TRPM2: variants seen among roughly 807,000 people sequenced by gnomAD.
TRPM2 encodes the protein estrogen-responsive element-associated gene 1 protein.
TRPM2 carries 161 observed loss-of-function variants against 174.0 expected under a neutral mutation model. That is an observed-to-expected ratio of 0.93 (90% CI 0.81 to 1.05). TRPM2 has a LOEUF of 1.05. Among genes scored for constraint, TRPM2 ranks in the 50% least tolerant of loss-of-function variants. The probability of loss-of-function intolerance (pLI) is 0.00; values close to 1 mark genes in which losing one functional copy is unlikely to be tolerated. For missense variants in TRPM2, 2,057 were observed against 2,038.0 expected (o/e 1.01, Z -0.18); for synonymous variants, 954 against 861.3 (o/e 1.11, Z -1.88).
chr21:44,423,790 C>A (rs2050638473), intron 23 of TRPM2, 58 bp downstream of exon 23: 3 of 1,424,920 alleles, frequency 2.1e-6, no homozygotes, highest in Non-Finnish European at 2.9e-6. Context: ...TGGTGGGCGG[C>A]TCTGCCATGT....
rs139032200 is a variant in TRPM2 at position 44,379,175 on chromosome 21, G to A, written c.1193G>A (p.Arg398Lys). The A allele has an allele frequency of 5.6e-6, 9 of 1,613,130 alleles. No individual in the cohort carries two copies. The highest frequency in any genetic ancestry group is 6.8e-6 in the Non-Finnish European group (8 of 1,180,018). Reference sequence around the variant, plus strand: ...ATGTTTGAGACCTTCACGGAAAGCAGGATTGTCGAGTGGACCAAAAAGGTG... The same window carrying A: ...ATGTTTGAGACCTTCACGGAAAGCAAGATTGTCGAGTGGACCAAAAAGGTG... ...QEMFETFTES[R>K]IVEWTKKIQD... Residue 398 changes from arginine to lysine, a missense_variant, in exon 8 of 32, where the codon AGG becomes AAG. Coordinates refer to ENST00000397928, the MANE Select transcript of TRPM2 (RefSeq NM_003307.4).
In TRPM2 at chr21:44,435,070, C is replaced by T. The variant is rs1051390290; in HGVS notation, c.3975-61C>T. 1.5e-5 allele frequency: 23 copies of T among 1,548,398 alleles called. No individual in the cohort carries two copies. In the South Asian group the frequency reaches 2.6e-4, roughly 18 times the overall value. On this transcript the variant is annotated intron_variant, in intron 27 of 31. Transcript: ENST00000397928. ...CGCTGTCCCCTCTCAGTCCCCCTCC[C>T]TGCCCTGTCCTGCTCCCCCATTGGT...
Position 44,425,564 on chromosome 21 carries a change from G to C in TRPM2, c.3638-106G>C, listed in dbSNP as rs986524867. ...GCCATTTGGGCTCGGGGAGGTGGAG[G>C]AGCCCAGATGTTTTGGCGGAAGGAC... On this transcript the variant is annotated intron_variant, in intron 24 of 31. Coordinates refer to ENST00000397928, the MANE Select transcript of TRPM2 (RefSeq NM_003307.4). The C allele has an allele frequency of 8.3e-6, 11 of 1,321,872 alleles. No homozygotes were observed. The Admixed American group carries it at 3.2e-4, about 38-fold the overall frequency. The allele number at this position is 1,321,872 out of a possible 1,614,324, so 81.9% of individuals were successfully genotyped here. A position where few individuals can be genotyped will look rare whatever the true frequency, so the allele number is the denominator to read the frequency against.
At position 44,366,628 on chromosome 21, in the gene TRPM2, G is replaced by T; in HGVS notation, c.424-126G>T. On this transcript the variant is annotated intron_variant, in intron 3 of 31. Coordinates refer to ENST00000397928, the MANE Select transcript of TRPM2 (RefSeq NM_003307.4). This position sits in a 1 kb window ranked among gnomAD's most constrained non-coding sequence, Gnocchi z 6.0. ...TGCCCACATGGGGACCCCTTTTCTGGGTCTGAGCCGGAAAGGTGTGCGGTG... is the reference window on the plus strand; with the variant it reads ...TGCCCACATGGGGACCCCTTTTCTGTGTCTGAGCCGGAAAGGTGTGCGGTG... 1 of 1,289,332 alleles carries T rather than the reference G, an allele frequency of 7.8e-7. No individual in the cohort carries two copies. The allele number at this position is 1,289,332 out of a possible 1,614,324, so 79.9% of individuals were successfully genotyped here.
Position 44,442,015 on chromosome 21 carries a change from G to A in TRPM2, c.*198G>A, listed in dbSNP as rs537821587. 9.1e-5 allele frequency: 72 copies of A among 795,036 alleles called. No individual in the cohort carries two copies. The highest frequency in any genetic ancestry group is 1.1e-4 in the Non-Finnish European group (63 of 563,114). 49.2% of individuals were successfully genotyped at this position (795,036 alleles called of 1,614,324 possible). A position where few individuals can be genotyped will look rare whatever the true frequency, so the allele number is the denominator to read the frequency against. ...GAACTGGAAGGGGTCAAGGTGACCC[G>A]GGAGGAGAGCTCAAGACAGGGCACA... On this transcript the variant is annotated 3_prime_UTR_variant, in exon 32 of 32. Coordinates refer to ENST00000397928, the MANE Select transcript of TRPM2 (RefSeq NM_003307.4).
chr21:44,440,924 TG>T lies in TRPM2; in HGVS notation c.4386+21del, dbSNP rs1181162662. ...GAACTCTGTATGTGCCTGGCCTCCC[TG>T]GAGGCGGGAGTGGGGAGGCAGGGAC... On this transcript the variant is annotated intron_variant, in intron 31 of 31. Coordinates refer to ENST00000397928, the MANE Select transcript of TRPM2 (RefSeq NM_003307.4). 6.2e-7 allele frequency: 1 copy of T among 1,604,752 alleles called. No individual in the cohort carries two copies. The highest frequency in any genetic ancestry group is 1.7e-5 in the Admixed American group (1 of 59,944).
At chr21:44,352,530 G>A (rs913786372), upstream of TRPM2, among the ~76,000 whole-genome samples, 1 of 152,224 alleles carries the variant, frequency 6.6e-6, no homozygotes, top group African/African-American at 2.4e-5. Context: ...GACGTGGCCA[G>A]AGATCTGGTT....
intron 27 of TRPM2, among the ~76,000 whole-genome samples, chr21:44,427,338 G>A (rs2050839189): frequency 6.6e-6 from 1 of 152,262 alleles, no homozygotes; most frequent in South Asian, 2.1e-4. Context: ...CCTGCCCCAT[G>A]GTCCCTGCCG....
At chr21:44,414,464 C>T (rs1433819990) in intron 20 of TRPM2, 4 of 205,126 alleles carry the variant, frequency 2.0e-5, no homozygotes, top group Admixed American at 5.2e-5. Context: ...ACCCGGGGAG[C>T]GTGCTGGGGC....
rs550109228 is a variant in TRPM2 at position 44,410,296 on chromosome 21, T to C, written c.2962+3531T>C. 6.5e-4 allele frequency among the ~76,000 whole-genome samples: 40 copies of C among 61,900 alleles called. 3 individuals are homozygous for C. Among genetic ancestry groups the C allele is most frequent in the African/African-American group, 9.5e-4 (20 of 21,086 alleles). The allele number at this position is 61,900 out of a possible 152,430, so 40.6% of individuals were successfully genotyped here. A position where few individuals can be genotyped will look rare whatever the true frequency, so the allele number is the denominator to read the frequency against. ...GCGTAGCCTTGTAGTAAGTTTTGAC[T>C]GCACTGTCTTGGCGTAGCCTTGTAG... On this transcript the variant is annotated intron_variant, in intron 19 of 31. Coordinates refer to ENST00000397928, the MANE Select transcript of TRPM2 (RefSeq NM_003307.4).
chr21:44,418,742 C>T (rs1268306382), intron 22 of TRPM2, among the ~76,000 whole-genome samples, 187 bp downstream of exon 22: 1 of 152,146 alleles, frequency 6.6e-6, no homozygotes, highest in East Asian at 1.9e-4. Context: ...TGACCCAGGA[C>T]CCTCTGCGGT....
Position 44,439,716 on chromosome 21 carries a change from C to CT in TRPM2, c.4269+557dup, listed in dbSNP as rs1041630005. ...GCTCTCTCACACAAATGCATGCACA[C>CT]TTTTTTTTTAATTTTTATTTTTGGA... On this transcript the variant is annotated intron_variant, in intron 30 of 31. Transcript: ENST00000397928. The surrounding 1 kb of genome is among the most constrained non-coding windows in gnomAD (Gnocchi z 5.1). Among the ~76,000 whole-genome samples, 10 of 151,690 alleles carry CT rather than the reference C, an allele frequency of 6.6e-5. No homozygotes were observed. The highest frequency in any genetic ancestry group is 7.4e-5 in the Non-Finnish European group (5 of 67,920).
intron 11 of TRPM2, among the ~76,000 whole-genome samples, chr21:44,392,178 G>A (rs185082105): frequency 1.3e-5 from 2 of 151,632 alleles, no homozygotes; most frequent in Non-Finnish European, 2.9e-5. Flanking sequence ...GGACAGGTTG[G>A]TCTCAACCTC....
At chr21:44,357,768 C>T (rs1009086883) in intron 2 of TRPM2, among the ~76,000 whole-genome samples, 2 of 152,210 alleles carry the variant, frequency 1.3e-5, no homozygotes, top group Non-Finnish European at 2.9e-5. Context: ...GACGGAGAGA[C>T]GCTCCAAAAG....
chr21:44,399,300 C>G lies in TRPM2; in HGVS notation c.2067C>G (p.Val689=). Residue 689 remains valine, a synonymous_variant, in exon 14 of 32, where the codon GTC becomes GTG. Transcript: ENST00000397928. This position sits in a 1 kb window ranked among gnomAD's most constrained non-coding sequence, Gnocchi z 4.6. Reference sequence around the variant, plus strand: ...GGCTCTCATATCTCCGCCCAGGGGTCTTCACCGAGTGCTACCGGAAGGACG... The same window carrying G: ...GGCTCTCATATCTCCGCCCAGGGGTGTTCACCGAGTGCTACCGGAAGGACG... ...AEEYEHRAIG[V]FTECYRKDEE... 6.2e-7 allele frequency: 1 copy of G among 1,612,314 alleles called. No homozygotes were observed. The highest frequency in any genetic ancestry group is 8.5e-7 in the Non-Finnish European group (1 of 1,179,656).
chr21:44,404,609 T>C (rs1394401096), intron 16 of TRPM2, among the ~76,000 whole-genome samples: 1 of 152,166 alleles, frequency 6.6e-6, no homozygotes, highest in Non-Finnish European at 1.5e-5. Flanking sequence ...GTGATGATAG[T>C]GATGATAGTG....
Position 44,397,875 on chromosome 21 carries a change from C to T in TRPM2, c.2061C>T (p.Ile687=), listed in dbSNP as rs147469471. ...CGGAGGAGTATGAGCACAGAGCCAT[C>T]GGTGAGCTCTGCCGGGCACGGGCTG... is the stretch of plus-strand genomic sequence containing the variant. ...ALAEEYEHRA[I]GVFTECYRKD... is the part of the protein sequence containing the mutation. Residue 687 remains isoleucine (I), a splice_region_variant and synonymous_variant, in exon 13 of 32, where the codon ATC becomes ATT. Transcript: ENST00000397928. 53 of 1,597,538 alleles carry T rather than the reference C, an allele frequency of 3.3e-5. No individual in the cohort carries two copies. Among genetic ancestry groups the T allele is most frequent in the African/African-American group, 3.0e-4 (22 of 74,376 alleles).
rs543591477 is a variant in TRPM2 at position 44,438,973 on chromosome 21, C to T, written c.4168-94C>T. ...GCTCCCAGGGCTGGGCCGCTGCCCA[C>T]GCCGGGCAGGAGGCCAGTGGAGACG... On this transcript the variant is annotated intron_variant, in intron 29 of 31. Coordinates refer to ENST00000397928, the MANE Select transcript of TRPM2 (RefSeq NM_003307.4). This position sits in a 1 kb window ranked among gnomAD's most constrained non-coding sequence, Gnocchi z 5.9. 8.7e-5 allele frequency: 90 copies of T among 1,031,124 alleles called. 1 individual carries two copies. Among genetic ancestry groups the T allele is most frequent in the South Asian group, 7.1e-4 (51 of 71,770 alleles). The allele number at this position is 1,031,124 out of a possible 1,614,324, so 63.9% of individuals were successfully genotyped here.
chr21:44,411,958 G>A (rs1301249920), intron 19 of TRPM2, among the ~76,000 whole-genome samples: 2 of 152,130 alleles, frequency 1.3e-5, no homozygotes, highest in African/African-American at 2.4e-5. Flanking sequence ...CTTGGTCTTG[G>A]TGAATAATCT....
Sources: allele counts gnomAD v4.1 joint callset (sites outside exome capture counted in the v4.1 genomes callset), GRCh38; gene constraint gnomAD v4.1.1; non-coding constraint Gnocchi (gnomAD v3.1); transcripts MANE v1.5; gene names NCBI Gene and HGNC (gene_info 2026-07-23, HGNC 2026-07-21).